The following CDH12 variants were observed in gnomAD, a reference collection of about 807,000 sequenced individuals.
CDH12 encodes cadherin 12.
Under a neutral mutation model 74.1 loss-of-function variants are expected in CDH12, and 41 were observed. The ratio of observed to expected loss-of-function variants is 0.55; its 90% CI spans 0.43 to 0.72. The LOEUF is 0.72. Ranked by LOEUF, CDH12 falls within the 30% of genes least tolerant of loss-of-function variation. CDH12 has a pLI of 0.00. For synonymous variants in CDH12, 399 were observed against 355.0 expected (o/e 1.12, Z -1.39); for missense variants, 945 against 977.2 (o/e 0.97, Z 0.44).
intron 1 of CDH12, among the ~76,000 whole-genome samples, chr5:22,716,907 AAAG>A (rs1187403253): frequency 6.6e-6 from 1 of 152,196 alleles, no homozygotes; most frequent in Non-Finnish European, 1.5e-5. Context: ...AAAATATAGA[AAAG>A]AATGTATAAT....
rs567879034 is a variant in CDH12, at chr5:22,231,882, T to C, written c.-332-19239A>G. The stretch of plus-strand genomic sequence containing the variant: ...AAATAAAATCTTATTTCATAGAAAG[T>C]TATGTATGAAATGCAATAAAGAATT... On this transcript the variant is annotated intron_variant, in intron 3 of 14. Coordinates refer to ENST00000382254, the MANE Select transcript of CDH12 (RefSeq NM_004061.5). 2.0e-5 allele frequency among the ~76,000 whole-genome samples: 3 copies of C among 152,068 alleles called. No individual in the cohort carries two copies. The South Asian group carries it at 6.2e-4, about 32-fold the overall frequency.
At chr5:22,823,329 C>T (rs1019385695) in intron 1 of CDH12, among the ~76,000 whole-genome samples, 2 of 152,024 alleles carry the variant, frequency 1.3e-5, no homozygotes, top group East Asian at 3.9e-4. Flanking sequence ...CACATGTATA[C>T]ATATGTAACA....
chr5:22,337,447 T>C (rs767833613), intron 3 of CDH12, among the ~76,000 whole-genome samples: 6 of 152,152 alleles, frequency 3.9e-5, no homozygotes, highest in Admixed American at 1.3e-4. Context: ...AATTCCCACA[T>C]GTTGTGGGAA....
chr5:22,083,958 G>T (rs899895851), intron 4 of CDH12, among the ~76,000 whole-genome samples: 5 of 152,148 alleles, frequency 3.3e-5, no homozygotes, highest in African/African-American at 7.2e-5. Context: ...AAAATTAGGA[G>T]ATTTAAGCTA....
chr5:22,673,489 G>A (rs1383378922), intron 1 of CDH12, among the ~76,000 whole-genome samples: 1 of 152,000 alleles, frequency 6.6e-6, no homozygotes, highest in Non-Finnish European at 1.5e-5. Context: ...TTGTATAATG[G>A]TAAATTTTGT....
chr5:22,404,051 G>A (rs2126455209), intron 3 of CDH12, among the ~76,000 whole-genome samples: 1 of 152,182 alleles, frequency 6.6e-6, no homozygotes, highest in East Asian at 1.9e-4. Flanking sequence ...GGATGAAGGA[G>A]CAATTGTAGT....
At chr5:22,466,671 G>A (rs1483346907) in intron 2 of CDH12, among the ~76,000 whole-genome samples, 1 of 146,846 alleles carries the variant, frequency 6.8e-6, no homozygotes, top group African/African-American at 2.5e-5. Context: ...TATGTATGTA[G>A]TAAAACTTAT....
intron 1 of CDH12, among the ~76,000 whole-genome samples, chr5:22,828,715 C>A (rs1044027436): frequency 6.6e-6 from 1 of 152,050 alleles, no homozygotes; most frequent in Non-Finnish European, 1.5e-5. Context: ...GTATTCTGTG[C>A]GTGCTAGAAA....
chr5:21,892,839 G>A (rs994079477), intron 6 of CDH12, among the ~76,000 whole-genome samples: 32 of 152,034 alleles, frequency 2.1e-4, no homozygotes, highest in Admixed American at 9.2e-4. Context: ...TAAAAAACCC[G>A]CTTGATCTAA....
At chr5:22,600,344 T>A (rs1736798828) in intron 1 of CDH12, among the ~76,000 whole-genome samples, 1 of 152,150 alleles carries the variant, frequency 6.6e-6, no homozygotes. Context: ...CCCTGAAAGG[T>A]AACTACTGTA....
At chr5:21,806,690 T>A (rs1374416483) in intron 9 of CDH12, among the ~76,000 whole-genome samples, 1 of 152,188 alleles carries the variant, frequency 6.6e-6, no homozygotes, top group Non-Finnish European at 1.5e-5. Context: ...TCAGCAAACC[T>A]TTTGTGGCCC....
intron 2 of CDH12, among the ~76,000 whole-genome samples, chr5:22,465,029 A>G (rs1417387548): frequency 8.8e-6 from 1 of 113,286 alleles, no homozygotes; most frequent in Admixed American, 1.1e-4. Flanking sequence ...AGGAAGGAAG[A>G]AGGGAGGGGG....
At chr5:22,046,952 T>C (rs1208370364) in intron 5 of CDH12, among the ~76,000 whole-genome samples, 2 of 152,182 alleles carry the variant, frequency 1.3e-5, no homozygotes, top group African/African-American at 4.8e-5. Flanking sequence ...AAAGAAATTA[T>C]GTTTGAGGAT....
intron 3 of CDH12, among the ~76,000 whole-genome samples, chr5:22,365,919 T>G (rs914008105): frequency 6.6e-6 from 1 of 152,116 alleles, no homozygotes; most frequent in Non-Finnish European, 1.5e-5. Flanking sequence ...ATTTTTCAAT[T>G]GAGTGACATG....
chr5:22,556,741 C>T (rs2126742139), intron 1 of CDH12, among the ~76,000 whole-genome samples: 1 of 152,118 alleles, frequency 6.6e-6, no homozygotes, highest in Admixed American at 6.5e-5. Context: ...GACCATAGGT[C>T]CTTGACTTAC....
At chr5:22,116,712 G>T (rs907987423) in intron 4 of CDH12, among the ~76,000 whole-genome samples, 1 of 151,960 alleles carries the variant, frequency 6.6e-6, no homozygotes, top group Non-Finnish European at 1.5e-5. Flanking sequence ...CCCCACCACA[G>T]TAGACTTCAC....
At chr5:22,147,280 T>G (rs565929034) in intron 4 of CDH12, among the ~76,000 whole-genome samples, 5 of 152,304 alleles carry the variant, frequency 3.3e-5, no homozygotes, top group African/African-American at 1.2e-4. Flanking sequence ...GGCATTTGTC[T>G]CTGACTTTTC....
chr5:22,073,411 C>T lies in CDH12; in HGVS notation c.231+5035G>A, dbSNP rs1297950118. On this transcript the variant is annotated intron_variant, in intron 5 of 14. Coordinates refer to ENST00000382254, the MANE Select transcript of CDH12 (RefSeq NM_004061.5). ...AAACTTAGTACCACACAGATACAGG[C>T]TTGCAATTATCCATGTTGGTATAAG... Among the ~76,000 whole-genome samples, 5 of 152,206 alleles carry T rather than the reference C, an allele frequency of 3.3e-5. No homozygotes were observed. In the South Asian group the frequency reaches 8.3e-4, roughly 25 times the overall value.
At chr5:22,534,659 AAG>A (rs1348276743) in intron 1 of CDH12, among the ~76,000 whole-genome samples, 1 of 152,076 alleles carries the variant, frequency 6.6e-6, no homozygotes, top group East Asian at 1.9e-4. Context: ...GAGAAAGGGA[AAG>A]AGGCAACAGG....
Sources: gnomAD v4.1 joint callset for allele counts (sites outside exome capture counted in the v4.1 genomes callset) on GRCh38, gnomAD v4.1.1 for gene constraint, MANE v1.5 for transcripts, NCBI Gene and HGNC (gene_info 2026-07-23, HGNC 2026-07-21) for gene names.